The following REL variants were observed in gnomAD, a reference collection of about 807,000 sequenced individuals.
The protein encoded by REL is REL proto-oncogene, NF-kB subunit.
Under a neutral mutation model 45.9 loss-of-function variants are expected in REL, and 15 were observed. That is an observed-to-expected ratio of 0.33 (90% CI 0.22 to 0.50). REL has a LOEUF of 0.50. REL is among the 20% of genes least tolerant of loss of function. REL has a pLI of 0.98. For missense variants in REL, 601 were observed against 715.2 expected (o/e 0.84, Z 1.82); for synonymous variants, 239 against 242.1 (o/e 0.99, Z 0.12).
At chr2:60,904,349 C>T (rs1015166323) in intron 4 of REL, among the ~76,000 whole-genome samples, 4 of 151,402 alleles carry the variant, frequency 2.6e-5, no homozygotes, top group Non-Finnish European at 4.4e-5. Context: ...TTGCAGTAAG[C>T]CAAGATTGCT....
chr2:60,903,830 C>T (rs1276745395), intron 4 of REL, among the ~76,000 whole-genome samples: 2 of 152,016 alleles, frequency 1.3e-5, no homozygotes, highest in Non-Finnish European at 2.9e-5. Flanking sequence ...CACGCCTGGC[C>T]AGAGTTTCTG....
At chr2:60,896,164 C>T (rs932096595) in intron 3 of REL, among the ~76,000 whole-genome samples, 2 of 151,980 alleles carry the variant, frequency 1.3e-5, no homozygotes, top group Admixed American at 6.6e-5. Flanking sequence ...CCACCATGCC[C>T]AGCTAATTTT....
intron 1 of REL, among the ~76,000 whole-genome samples, chr2:60,883,794 G>C (rs193285575): frequency 5.4e-4 from 81 of 148,812 alleles, no homozygotes; most frequent in African/African-American, 1.9e-3. Flanking sequence ...AGGAGGAAAT[G>C]TTTAAAGAAA....
Position 60,891,778 on chromosome 2 carries a change from C to T in REL, c.106C>T (p.Pro36Ser), listed in dbSNP as rs749613488. 6.2e-7 allele frequency: 1 copy of T among 1,613,892 alleles called. No individual in the cohort carries two copies. Among genetic ancestry groups the T allele is most frequent in the African/African-American group, 1.3e-5 (1 of 74,882 alleles). The change falls in exon 2 of 10, where the codon CCA becomes TCA. Residue 36 changes from proline to serine, a missense_variant. Around this residue, in one of 4 missense-constraint regions of REL, gnomAD observed 241 missense variants for 347.0 expected, o/e 0.69. Transcript: ENST00000394479. ...KCEGRSAGSI[P>S]GEHSTDNNRT... ...TGAAGGGCGATCAGCAGGCAGCATT[C>T]CAGGGGAGCACAGCACAGACAACAA...
intron 7 of REL, among the ~76,000 whole-genome samples, chr2:60,919,261 G>T (rs978819076): frequency 6.6e-5 from 10 of 151,852 alleles, no homozygotes; most frequent in African/African-American, 2.2e-4. Flanking sequence ...TTGAGACAGG[G>T]TCTCACTCTG....
chr2:60,886,692 T>G (rs976965615), intron 1 of REL, among the ~76,000 whole-genome samples: 9 of 152,152 alleles, frequency 5.9e-5, no homozygotes, highest in Non-Finnish European at 1.3e-4. Context: ...AATAAAGTGT[T>G]TGTTAATAAT....
chr2:60,898,294 A>G (rs1340980582), intron 3 of REL, among the ~76,000 whole-genome samples: 1 of 152,216 alleles, frequency 6.6e-6, no homozygotes, highest in Non-Finnish European at 1.5e-5. Flanking sequence ...TGGCTCTTGG[A>G]ATAAAGACAG....
At chr2:60,920,248 C>A in intron 8 of REL, 139 bp downstream of exon 8, 1 of 716,800 alleles carries the variant, frequency 1.4e-6, no homozygotes, top group Non-Finnish European at 2.3e-6. Context: ...GTCACCCAGG[C>A]TGGAGTGCAG....
chr2:60,922,308 T>C lies in REL; in HGVS notation c.1537T>C (p.Ser513Pro). ...CCATCAGATGTCCTCTTCCAGTATGTCAGCAGGCGCCAATTCCAATACTAC... is the reference window on the plus strand; with the variant it reads ...CCATCAGATGTCCTCTTCCAGTATGCCAGCAGGCGCCAATTCCAATACTAC... The part of the protein sequence containing the change: ...QLHQMSSSSM[S>P]AGANSNTTVF... The change falls in exon 10 of 10, where the codon TCA becomes CCA. Residue 513 changes from serine (S) to proline (P), a missense_variant. Coordinates refer to ENST00000394479, the MANE Select transcript of REL (RefSeq NM_001291746.2). 6.2e-7 allele frequency: 1 copy of C among 1,614,162 alleles called. No individual in the cohort carries two copies. The highest frequency in any genetic ancestry group is 8.5e-7 in the Non-Finnish European group (1 of 1,180,008).
rs143053126 is a variant in REL, at chr2:60,919,066, T to C, written c.853+460T>C. On this transcript the variant is annotated intron_variant, in intron 7 of 9. Transcript: ENST00000394479. Reference sequence around the variant, plus strand: ...ATTAGTATGGAATAATTTCAAAGTATCTAAACTGCTTACTAAAATTTCTAT... The same window carrying C: ...ATTAGTATGGAATAATTTCAAAGTACCTAAACTGCTTACTAAAATTTCTAT... 3.2e-4 allele frequency among the ~76,000 whole-genome samples: 48 copies of C among 152,342 alleles called. 1 individual carries two copies. In the East Asian group the frequency reaches 8.7e-3, roughly 28 times the overall value.
intron 4 of REL, among the ~76,000 whole-genome samples, chr2:60,903,188 C>T (rs1673543576): frequency 6.6e-6 from 1 of 152,158 alleles, no homozygotes. Context: ...GCTTTATGCA[C>T]ACTACTTTAT....
intron 1 of REL, among the ~76,000 whole-genome samples, chr2:60,887,298 T>A (rs1673094819): frequency 6.6e-6 from 1 of 152,130 alleles, no homozygotes; most frequent in African/African-American, 2.4e-5. Flanking sequence ...GGTGTAGCAA[T>A]CCTGGTACCT....
rs1674199026 is a variant in REL at position 60,923,490 on chromosome 2, T to G, written c.*955T>G. ...TTGACATCTCTATCTAGAAATCTAA[T>G]TAAAGCTCACACTCAGCATATCCAA... is the stretch of plus-strand genomic sequence containing the variant. On this transcript the variant is annotated 3_prime_UTR_variant, in exon 10 of 10. Coordinates refer to ENST00000394479, the MANE Select transcript of REL (RefSeq NM_001291746.2). 4.3e-6 allele frequency: 1 copy of G among 232,568 alleles called. No homozygotes were observed. The highest frequency in any genetic ancestry group is 6.1e-5 in the East Asian group (1 of 16,512). The allele number at this position is 232,568 out of a possible 1,614,324, so 14.4% of individuals were successfully genotyped here.
intron 4 of REL, among the ~76,000 whole-genome samples, chr2:60,906,487 A>C (rs1673654123): frequency 6.6e-6 from 1 of 152,184 alleles, no homozygotes; most frequent in South Asian, 2.1e-4. Flanking sequence ...TCTGATCTAC[A>C]TGCTGAGTTC....
chr2:60,928,154 C>CAAAA lies in REL; in HGVS notation c.*5633_*5636dup, dbSNP rs549824510. On this transcript the variant is annotated 3_prime_UTR_variant, in exon 10 of 10. Transcript: ENST00000394479. ...GTAATATAAGGAAAACCTGTCTCTG[C>CAAAA]AAAAAAAAAAAAAAAAAGAGGATAC... 348 of 83,218 alleles carry CAAAA rather than the reference C, an allele frequency of 4.2e-3. 1 individual carries two copies. Among genetic ancestry groups the CAAAA allele is most frequent in the African/African-American group, 0.016 (332 of 21,370 alleles). 5.2% of individuals were successfully genotyped at this position (83,218 alleles called of 1,614,324 possible).
intron 4 of REL, among the ~76,000 whole-genome samples, chr2:60,909,544 G>A (rs959111070): frequency 6.6e-6 from 1 of 151,600 alleles, no homozygotes; most frequent in East Asian, 1.9e-4. Flanking sequence ...CTCCTGCCTC[G>A]GTTTCCAAAA....
At chr2:60,910,684 A>G (rs1425419437) in intron 4 of REL, among the ~76,000 whole-genome samples, 1 of 152,078 alleles carries the variant, frequency 6.6e-6, no homozygotes, top group Non-Finnish European at 1.5e-5. Flanking sequence ...CTGTAATCCC[A>G]ACACTGGGGG....
chr2:60,917,397 T>C (rs1674004064), intron 5 of REL, among the ~76,000 whole-genome samples: 1 of 152,184 alleles, frequency 6.6e-6, no homozygotes, highest in Admixed American at 6.5e-5. Flanking sequence ...GCAGCATATT[T>C]TATTATGTAG....
At chr2:60,889,936 T>C (rs544662536) in intron 1 of REL, among the ~76,000 whole-genome samples, 1 of 152,364 alleles carries the variant, frequency 6.6e-6, no homozygotes, top group South Asian at 2.1e-4. Context: ...TATAGCAGCA[T>C]GATTTATAAT....
Sources: allele counts gnomAD v4.1 joint callset (sites outside exome capture counted in the v4.1 genomes callset), GRCh38; gene constraint gnomAD v4.1.1; regional missense constraint gnomAD v4.1.1; transcripts MANE v1.5; gene names NCBI Gene and HGNC (gene_info 2026-07-23, HGNC 2026-07-21).